Variants in COG4 observed in about 807,000 individuals in gnomAD.
The protein encoded by COG4 is component of oligomeric golgi complex 4, also known as conserved oligomeric Golgi complex subunit 4.
A neutral mutation model predicts 95.1 loss-of-function variants in COG4; 65 were observed. That is an observed-to-expected ratio of 0.68 (90% CI 0.56 to 0.84). The LOEUF (loss-of-function observed/expected upper bound fraction) is 0.84, where lower values mean the gene tolerates loss of function less well. Among genes scored for constraint, COG4 ranks in the 40% least tolerant of loss-of-function variants. COG4 has a pLI of 0.00. For synonymous variants in COG4, 421 were observed against 374.8 expected, an observed-to-expected ratio of 1.12 and a Z score of -1.42; for missense variants, 1,045 against 989.1, an observed-to-expected ratio of 1.06 and a Z score of -0.76.
intron 14 of COG4, 68 bp from the exon 15 acceptor site, chr16:70,482,889 C>T: frequency 8.6e-7 from 1 of 1,157,592 alleles, no homozygotes; most frequent in Non-Finnish European, 1.3e-6. Flanking sequence ...CTCTCTTCTC[C>T]CCATCCCTTC....
intron 1 of COG4, among the ~76,000 whole-genome samples, chr16:70,521,028 T>C (rs754725827): frequency 1.3e-5 from 2 of 152,160 alleles, no homozygotes; most frequent in Non-Finnish European, 2.9e-5. Context: ...TCTGTGACTA[T>C]AGGCGTGCAC....
chr16:70,500,741 T>C (rs925683167), intron 9 of COG4, among the ~76,000 whole-genome samples: 9 of 152,128 alleles, frequency 5.9e-5, no homozygotes, highest in African/African-American at 2.2e-4. Context: ...AGGGCACCAG[T>C]GTCCTCATCT....
At position 70,480,975 on chromosome 16, in the gene COG4, C is replaced by CA. The variant is rs1316747935; in HGVS notation, c.*34dup. On this transcript the variant is annotated 3_prime_UTR_variant, in exon 19 of 19. Coordinates refer to ENST00000323786, the MANE Select transcript of COG4 (RefSeq NM_015386.3). ...TGGGGCCCCTTAGGGAACAGGCCTG[C>CA]AAGTGTGATGAGCCAGGTGTGCTCA... 1.2e-6 allele frequency: 2 copies of CA among 1,610,024 alleles called. No individual in the cohort carries two copies. The highest frequency in any genetic ancestry group is 1.7e-6 in the Non-Finnish European group (2 of 1,179,916).
intron 18 of COG4, 44 bp from the exon 19 acceptor site, chr16:70,481,188 T>C: frequency 6.2e-7 from 1 of 1,612,896 alleles, no homozygotes. Flanking sequence ...GTGGGGTTAT[T>C]CTGAAAGAGG....
intron 13 of COG4, among the ~76,000 whole-genome samples, chr16:70,490,099 T>C (rs2049213802): frequency 1.3e-5 from 2 of 152,340 alleles, no homozygotes; most frequent in South Asian, 2.1e-4. Flanking sequence ...ATTACAGGAA[T>C]GTGCCACCGT....
At chr16:70,522,510 AACT>A (rs2049970334) in intron 1 of COG4, among the ~76,000 whole-genome samples, 1 of 152,250 alleles carries the variant, frequency 6.6e-6, no homozygotes, top group Non-Finnish European at 1.5e-5. Context: ...ACGTATCAGA[AACT>A]GCTAGAGTTA....
chr16:70,481,955 G>A (rs553598452), intron 16 of COG4, 90 bp from the exon 17 acceptor site: 11 of 1,377,800 alleles, frequency 8.0e-6, no homozygotes, highest in South Asian at 4.7e-5. Context: ...GTAGCGTGAG[G>A]CCACGGGGGA....
intron 1 of COG4, among the ~76,000 whole-genome samples, chr16:70,520,557 G>A (rs903549300): frequency 1.5e-4 from 23 of 151,904 alleles, no homozygotes; most frequent in African/African-American, 4.4e-4. Context: ...ACTTGAACCC[G>A]GGAAGTGGAG....
At position 70,496,251 on chromosome 16, in the gene COG4, C is replaced by CT. The variant is rs2049336759; in HGVS notation, c.1647+14dup. The CT allele has an allele frequency of 6.2e-7, 1 of 1,613,960 alleles. No individual in the cohort carries two copies. The highest frequency in any genetic ancestry group is 8.5e-7 in the Non-Finnish European group (1 of 1,179,974). On this transcript the variant is annotated intron_variant, in intron 12 of 18. Coordinates refer to ENST00000323786, the MANE Select transcript of COG4 (RefSeq NM_015386.3). ...GAGATAAACCAACCCAGCTCGTGAG[C>CT]TGTGGGGTACCTACCAGGAAGGACA...
chr16:70,498,520 G>T (rs1042175916), intron 9 of COG4, among the ~76,000 whole-genome samples: 3 of 151,666 alleles, frequency 2.0e-5, no homozygotes, highest in African/African-American at 7.3e-5. Context: ...TAGAGACAGG[G>T]TTTCTCCATG....
At chr16:70,490,544 T>G (rs542378285) in intron 12 of COG4, 152 bp from the exon 13 acceptor site, 21 of 716,304 alleles carry the variant, frequency 2.9e-5, no homozygotes, top group Admixed American at 1.2e-4. Flanking sequence ...CACTGCTACA[T>G]CTGAGCAGGA....
chr16:70,482,921 TTTCCTCTCCTCTCCCC>T, intron 14 of COG4, 100 bp from the exon 15 acceptor site: 1 of 781,782 alleles, frequency 1.3e-6, no homozygotes, highest in Non-Finnish European at 2.1e-6. Flanking sequence ...TCCCCATCCC[TTTCCTCTCCTCTCCCC>T]ATCCCTTCCT....
At chr16:70,520,655 A>G (rs2049923242) in intron 1 of COG4, among the ~76,000 whole-genome samples, 2 of 151,936 alleles carry the variant, frequency 1.3e-5, no homozygotes, top group African/African-American at 2.4e-5. Flanking sequence ...AAGAAAATAC[A>G]ATGCCTAAAC....
chr16:70,490,262 TG>T, intron 13 of COG4, 67 bp downstream of exon 13: 1 of 1,260,262 alleles, frequency 7.9e-7, no homozygotes, highest in Admixed American at 1.7e-5. Context: ...CCATGATGTT[TG>T]TATAGGGCTC....
chr16:70,513,366 A>G (rs549758940), intron 4 of COG4, among the ~76,000 whole-genome samples: 1 of 152,358 alleles, frequency 6.6e-6, no homozygotes, highest in East Asian at 1.9e-4. Context: ...CTGGCCAGAG[A>G]ATCAGTAGAT....
At chr16:70,490,816 C>T (rs914445445) in intron 12 of COG4, among the ~76,000 whole-genome samples, 5 of 152,094 alleles carry the variant, frequency 3.3e-5, no homozygotes, top group Admixed American at 6.5e-5. Context: ...CCCGCCACTA[C>T]GCCAGGCTAA....
At chr16:70,498,333 A>AT (rs946488510) in intron 9 of COG4, among the ~76,000 whole-genome samples, 88 of 145,402 alleles carry the variant, frequency 6.1e-4, no homozygotes, top group Middle Eastern at 3.5e-3. Context: ...ATTTTTAACT[A>AT]TTTTTTTTTT....
intron 5 of COG4, among the ~76,000 whole-genome samples, 154 bp downstream of exon 5, chr16:70,512,085 C>T (rs976560815): frequency 6.6e-6 from 1 of 152,218 alleles, no homozygotes. Context: ...TGAATGAACA[C>T]ATGCATCCAG....
intron 13 of COG4, among the ~76,000 whole-genome samples, chr16:70,489,471 C>T (rs1045310628): frequency 2.0e-5 from 3 of 151,650 alleles, no homozygotes; most frequent in Non-Finnish European, 4.4e-5. Context: ...CCCGCCTCAG[C>T]CTCCCAAAGT....
Sources: gnomAD v4.1 joint callset for allele counts (sites outside exome capture counted in the v4.1 genomes callset) on GRCh38, gnomAD v4.1.1 for gene constraint, MANE v1.5 for transcripts, NCBI Gene and HGNC (gene_info 2026-07-23, HGNC 2026-07-21) for gene names.